The following NAV2 variants were observed in gnomAD, a reference collection of about 807,000 sequenced individuals.
The protein encoded by NAV2 is neuron navigator 2.
A neutral mutation model predicts 223.2 loss-of-function variants in NAV2; 54 were observed. The observed-to-expected ratio is 0.24, with a 90% CI of 0.19 to 0.30. NAV2 has a LOEUF of 0.30. NAV2 is among the 10% of genes least tolerant of loss of function. NAV2 has a pLI of 1.00. For synonymous variants in NAV2, 1,279 were observed against 1,239.3 expected (o/e 1.03, Z -0.67); for missense variants, 2,806 against 3,147.5 (o/e 0.89, Z 2.60).
chr11:19,909,623 T>C (rs1379819948), intron 6 of NAV2, among the ~76,000 whole-genome samples: 1 of 152,090 alleles, frequency 6.6e-6, no homozygotes, highest in African/African-American at 2.4e-5. Flanking sequence ...ATCTCATGGT[T>C]TTCTGTGGTT....
At position 19,732,598 on chromosome 11, in the gene NAV2, G is replaced by T. The variant is rs888700651; in HGVS notation, c.267+18636G>T. On this transcript the variant is annotated intron_variant, in intron 1 of 37. Transcript: ENST00000349880. The stretch of plus-strand genomic sequence containing the variant: ...AGCCCAAGGAGGCATAGCCAGAGAG[G>T]CGCCTCTGGGAGAATATACCCCTGG... Among the ~76,000 whole-genome samples, 4 of 152,198 alleles carry T rather than the reference G, an allele frequency of 2.6e-5. No individual in the cohort carries two copies. The South Asian group carries it at 6.2e-4, about 24-fold the overall frequency.
At chr11:19,784,319 TG>T (rs1270836193) in intron 1 of NAV2, among the ~76,000 whole-genome samples, 9 of 123,888 alleles carry the variant, frequency 7.3e-5, no homozygotes, top group South Asian at 2.6e-4. Flanking sequence ...ACCCGGGAGG[TG>T]GAGGTTGCGG....
At chr11:19,570,193 A>G (rs1237995934) in intron 1 of NAV2, among the ~76,000 whole-genome samples, 1 of 152,196 alleles carries the variant, frequency 6.6e-6, no homozygotes, top group African/African-American at 2.4e-5. Flanking sequence ...AGCTGAAGAC[A>G]CAGATTCAAA....
intron 1 of NAV2, among the ~76,000 whole-genome samples, chr11:19,496,655 C>G (rs2042802266): frequency 6.6e-6 from 1 of 152,144 alleles, no homozygotes; most frequent in African/African-American, 2.4e-5. Flanking sequence ...ACAGGTTAGT[C>G]CTGTTCAGGG....
chr11:19,801,031 T>G lies in NAV2; in HGVS notation c.268-31453T>G, dbSNP rs74705936. 9.8e-3 allele frequency among the ~76,000 whole-genome samples: 1,488 copies of G among 152,274 alleles called. 16 individuals are homozygous for G. The highest frequency in any genetic ancestry group is 0.034 in the African/African-American group (1,430 of 41,522). ...TCAGAAGCAAGCACAACAGATAACT[T>G]TATTTTTTTAGGGAGGTTTTGTATT... On this transcript the variant is annotated intron_variant, in intron 1 of 37. Coordinates refer to ENST00000349880, the MANE Select transcript of NAV2 (RefSeq NM_145117.5).
chr11:20,057,627 C>CATT (rs2153615171), intron 19 of NAV2, among the ~76,000 whole-genome samples: 1 of 152,318 alleles, frequency 6.6e-6, no homozygotes, highest in South Asian at 2.1e-4. Flanking sequence ...CGCCACAGAG[C>CATT]ATTTCCCAAC....
intron 1 of NAV2, chr11:19,511,590 G>A (rs2043282058): frequency 6.6e-6 from 1 of 152,210 alleles, no homozygotes; most frequent in Non-Finnish European, 1.5e-5. Context: ...CTGGGAAGCA[G>A]GAGCTATTTC....
chr11:19,637,704 G>A (rs995696085), intron 1 of NAV2, among the ~76,000 whole-genome samples: 13 of 152,168 alleles, frequency 8.5e-5, no homozygotes, highest in African/African-American at 2.9e-4. Flanking sequence ...ACACTTAAAC[G>A]ACCAGATCTC....
intron 1 of NAV2, among the ~76,000 whole-genome samples, chr11:19,579,703 G>C (rs1369047509): frequency 6.6e-6 from 1 of 152,226 alleles, no homozygotes; most frequent in Non-Finnish European, 1.5e-5. Flanking sequence ...AATTCAGTAA[G>C]TGTACATAGT....
chr11:20,117,393 T>C (rs2063202637), intron 37 of NAV2, among the ~76,000 whole-genome samples: 1 of 152,142 alleles, frequency 6.6e-6, no homozygotes, highest in Non-Finnish European at 1.5e-5. Flanking sequence ...CATTATATCA[T>C]TTTATTCCCT....
At chr11:19,981,958 A>G (rs1010273914) in intron 10 of NAV2, among the ~76,000 whole-genome samples, 3 of 152,218 alleles carry the variant, frequency 2.0e-5, no homozygotes, top group African/African-American at 2.4e-5. Context: ...GCACAGCCCT[A>G]TGGCTGTGTC....
chr11:19,970,611 T>C (rs576666667), intron 10 of NAV2, among the ~76,000 whole-genome samples: 10 of 152,322 alleles, frequency 6.6e-5, no homozygotes, highest in Admixed American at 2.6e-4. Flanking sequence ...ATAACAGAGC[T>C]ACCTTTATTG....
intron 1 of NAV2, among the ~76,000 whole-genome samples, chr11:19,462,988 C>T (rs1275240827): frequency 6.6e-6 from 1 of 152,190 alleles, no homozygotes; most frequent in African/African-American, 2.4e-5. Context: ...GAGGATACTT[C>T]TTTTCTTCGA....
chr11:20,011,873 G>A (rs2053587083), intron 11 of NAV2, among the ~76,000 whole-genome samples: 1 of 152,126 alleles, frequency 6.6e-6, no homozygotes, highest in Admixed American at 6.5e-5. Flanking sequence ...CACTTCTTTT[G>A]TTCTTATAAA....
intron 11 of NAV2, among the ~76,000 whole-genome samples, chr11:20,026,032 A>G (rs2055031636): frequency 6.6e-6 from 1 of 152,214 alleles, no homozygotes; most frequent in Non-Finnish European, 1.5e-5. Context: ...CCCAGGAGGT[A>G]AAGGTGCCCT....
intron 8 of NAV2, among the ~76,000 whole-genome samples, chr11:19,941,468 A>T (rs1242820583): frequency 9.1e-6 from 1 of 109,392 alleles, no homozygotes; most frequent in African/African-American, 5.1e-5. Context: ...ATGAGGTTGA[A>T]TTTAACTTAC....
chr11:19,716,855 A>C (rs900765495), intron 1 of NAV2, among the ~76,000 whole-genome samples: 1 of 152,238 alleles, frequency 6.6e-6, no homozygotes, highest in African/African-American at 2.4e-5. Flanking sequence ...AGGACTTTAC[A>C]TTAAAAACTA....
Position 20,097,538 on chromosome 11 carries a change from C to T in NAV2, c.6013-39C>T, listed in dbSNP as rs369677913. 5 of 1,509,292 alleles carry T rather than the reference C, an allele frequency of 3.3e-6. No homozygotes were observed. In the African/African-American group the frequency reaches 4.2e-5, roughly 13 times the overall value. The allele number at this position is 1,509,292 out of a possible 1,614,324, so 93.5% of individuals were successfully genotyped here. A position where few individuals can be genotyped will look rare whatever the true frequency, so the allele number is the denominator to read the frequency against. On this transcript the variant is annotated intron_variant, in intron 30 of 37. Coordinates refer to ENST00000349880, the MANE Select transcript of NAV2 (RefSeq NM_145117.5). ...ACATGAGTCATGGGCAGATTTTAGC[C>T]ACATCTTTGATGGGGTCTTTATTTT...
intron 1 of NAV2, among the ~76,000 whole-genome samples, chr11:19,738,342 A>G (rs1385743726): frequency 6.6e-6 from 1 of 152,242 alleles, no homozygotes; most frequent in Non-Finnish European, 1.5e-5. Flanking sequence ...ACCCAGCAGG[A>G]GCCTGTCAGC....
Sources: gnomAD v4.1 joint callset for allele counts (sites outside exome capture counted in the v4.1 genomes callset) on GRCh38, gnomAD v4.1.1 for gene constraint, MANE v1.5 for transcripts, NCBI Gene and HGNC (gene_info 2026-07-23, HGNC 2026-07-21) for gene names.